EPHA6: variants seen among roughly 807,000 people sequenced by gnomAD.
The protein encoded by EPHA6 is ephrin type-A receptor 6.
Under a neutral mutation model 112.0 loss-of-function variants are expected in EPHA6, and 50 were observed. That is an observed-to-expected ratio of 0.45 (90% CI 0.36 to 0.56). The LOEUF (loss-of-function observed/expected upper bound fraction) is 0.56. Ranked by LOEUF, EPHA6 falls within the 20% of genes least tolerant of loss-of-function variation. The pLI, the probability that EPHA6 is intolerant of heterozygous loss-of-function variation, is 0.00. For missense variants in EPHA6, 1,280 were observed against 1,417.4 expected (o/e 0.90, Z 1.56); for synonymous variants, 529 against 490.7 (o/e 1.08, Z -1.03).
intron 3 of EPHA6, among the ~76,000 whole-genome samples, chr3:97,137,729 T>G (rs2075800194): frequency 6.6e-6 from 1 of 152,198 alleles, no homozygotes; most frequent in South Asian, 2.1e-4. Flanking sequence ...GACATTGGTT[T>G]TACCAACTTG....
intron 2 of EPHA6, among the ~76,000 whole-genome samples, chr3:96,955,486 A>G (rs1023658135): frequency 6.6e-6 from 1 of 152,200 alleles, no homozygotes; most frequent in Admixed American, 6.5e-5. Flanking sequence ...TGGTATATGA[A>G]GAATTTCCAC....
chr3:97,479,457 G>T, intron 9 of EPHA6, 93 bp downstream of exon 9: 1 of 732,292 alleles, frequency 1.4e-6, no homozygotes. Flanking sequence ...GAGAAAAAAA[G>T]AAAAAAAAAA....
At chr3:97,655,051 A>G (rs1023510489) in intron 14 of EPHA6, among the ~76,000 whole-genome samples, 12 of 150,418 alleles carry the variant, frequency 8.0e-5, no homozygotes, top group Admixed American at 2.0e-4. Flanking sequence ...GATATTTGGG[A>G]TATCTTGTGG....
intron 2 of EPHA6, among the ~76,000 whole-genome samples, chr3:96,941,955 G>T (rs2040976602): frequency 6.6e-6 from 1 of 152,208 alleles, no homozygotes; most frequent in Admixed American, 6.5e-5. Context: ...AAATGCTGCT[G>T]CCTGATCGTT....
At chr3:96,848,084 A>G (rs2035177411) in intron 1 of EPHA6, among the ~76,000 whole-genome samples, 1 of 152,046 alleles carries the variant, frequency 6.6e-6, no homozygotes, top group Non-Finnish European at 1.5e-5. Context: ...GCATGGGTAT[A>G]AGTTGACAGT....
Position 97,226,101 on chromosome 3 carries a change from A to C in EPHA6, c.1115-163A>C, listed in dbSNP as rs2078346725. Among the ~76,000 whole-genome samples the C allele has an allele frequency of 1.3e-5, 2 of 152,228 alleles. 1 individual carries two copies. The highest frequency in any genetic ancestry group is 4.1e-4 in the South Asian group (2 of 4,834). Reference sequence around the variant, plus strand: ...CATTGTGGTTTTATTAACTCTCAATAACTAATTTCATTTGTTAATCTTAAT... The same window carrying C: ...CATTGTGGTTTTATTAACTCTCAATCACTAATTTCATTTGTTAATCTTAAT... On this transcript the variant is annotated intron_variant, in intron 3 of 17. Coordinates refer to ENST00000389672, the MANE Select transcript of EPHA6 (RefSeq NM_001080448.3).
intron 10 of EPHA6, among the ~76,000 whole-genome samples, chr3:97,516,065 G>A (rs540646809): frequency 6.6e-6 from 1 of 152,042 alleles, no homozygotes; most frequent in Non-Finnish European, 1.5e-5. Context: ...TATGGTATCG[G>A]TATAATTTTA....
chr3:96,994,933 G>A (rs1324109076), intron 3 of EPHA6, among the ~76,000 whole-genome samples: 7 of 151,668 alleles, frequency 4.6e-5, no homozygotes, highest in Admixed American at 3.3e-4. Flanking sequence ...AATTAAAATT[G>A]TGAAACACTA....
intron 3 of EPHA6, among the ~76,000 whole-genome samples, chr3:97,202,699 A>C (rs1181094258): frequency 6.6e-6 from 1 of 152,118 alleles, no homozygotes; most frequent in Non-Finnish European, 1.5e-5. Context: ...AAGATAGTTG[A>C]ACTTGTGTTG....
In EPHA6 at chr3:97,756,159, T is replaced by C. The variant is rs935833548; in HGVS notation, c.*7458T>C. On this transcript the variant is annotated 3_prime_UTR_variant, in exon 18 of 18. Coordinates refer to ENST00000389672, the MANE Select transcript of EPHA6 (RefSeq NM_001080448.3). Reference sequence around the variant, plus strand: ...TCTCATCTACCCAGTAATATAATTATTAAAGTCATGAGGAAGTTTTTCTTT... The same window carrying C: ...TCTCATCTACCCAGTAATATAATTACTAAAGTCATGAGGAAGTTTTTCTTT... 6.6e-6 allele frequency among the ~76,000 whole-genome samples: 1 copy of C among 152,012 alleles called. No individual in the cohort carries two copies. Among genetic ancestry groups the C allele is most frequent in the African/African-American group, 2.4e-5 (1 of 41,460 alleles).
At chr3:97,691,026 G>A (rs2032631148) in intron 14 of EPHA6, among the ~76,000 whole-genome samples, 2 of 152,136 alleles carry the variant, frequency 1.3e-5, no homozygotes, top group African/African-American at 2.4e-5. Flanking sequence ...CCAAGGTCAA[G>A]AAAATTAACT....
intron 14 of EPHA6, among the ~76,000 whole-genome samples, chr3:97,719,031 T>C: frequency 6.7e-6 from 1 of 149,924 alleles, no homozygotes. Flanking sequence ...ATGCTCTCAT[T>C]TGCCTTGTAA....
At chr3:97,551,844 G>T (rs1206067822) in intron 11 of EPHA6, among the ~76,000 whole-genome samples, 5 of 152,210 alleles carry the variant, frequency 3.3e-5, no homozygotes, top group African/African-American at 1.2e-4. Context: ...TACAAGTCTG[G>T]AAAGGAAATA....
At chr3:97,099,525 A>T (rs1166966960) in intron 3 of EPHA6, among the ~76,000 whole-genome samples, 1 of 151,972 alleles carries the variant, frequency 6.6e-6, no homozygotes, top group Non-Finnish European at 1.5e-5. Context: ...AAACAATATT[A>T]TGTGTTTACC....
intron 11 of EPHA6, among the ~76,000 whole-genome samples, chr3:97,570,410 T>TG (rs893627522): frequency 1.3e-5 from 2 of 152,052 alleles, no homozygotes; most frequent in African/African-American, 4.8e-5. Flanking sequence ...TAGGTTTATA[T>TG]GGGGGAGGAA....
At chr3:97,236,875 C>G (rs1284856054) in intron 4 of EPHA6, among the ~76,000 whole-genome samples, 1 of 152,068 alleles carries the variant, frequency 6.6e-6, no homozygotes, top group Non-Finnish European at 1.5e-5. Flanking sequence ...ATTCTTTCCT[C>G]TTTTCAGCTG....
intron 3 of EPHA6, among the ~76,000 whole-genome samples, chr3:97,039,196 A>G (rs542797559): frequency 2.6e-5 from 4 of 152,238 alleles, no homozygotes; most frequent in East Asian, 3.9e-4. Flanking sequence ...GACTCAACAT[A>G]TAAGTTGGCA....
chr3:97,228,584 A>ATG (rs904716333), intron 4 of EPHA6, among the ~76,000 whole-genome samples: 12 of 151,574 alleles, frequency 7.9e-5, no homozygotes, highest in Admixed American at 7.2e-4. Context: ...AATGTTATAT[A>ATG]TATATATATG....
At chr3:97,010,833 G>A (rs2044060443) in intron 3 of EPHA6, among the ~76,000 whole-genome samples, 1 of 152,064 alleles carries the variant, frequency 6.6e-6, no homozygotes, top group African/African-American at 2.4e-5. Flanking sequence ...ATTTATCAAA[G>A]CATCTATGCT....
Sources: gnomAD v4.1 joint callset for allele counts (sites outside exome capture counted in the v4.1 genomes callset) on GRCh38, gnomAD v4.1.1 for gene constraint, MANE v1.5 for transcripts, NCBI Gene and HGNC (gene_info 2026-07-23, HGNC 2026-07-21) for gene names.